Variants in GPD1 observed in about 807,000 individuals in gnomAD.
GPD1 encodes glycerol-3-phosphate dehydrogenase 1.
Under a neutral mutation model 34.4 loss-of-function variants are expected in GPD1, and 19 were observed. The ratio of observed to expected loss-of-function variants is 0.55; its 90% CI spans 0.39 to 0.81. GPD1 has a LOEUF of 0.81. Among genes scored for constraint, GPD1 ranks in the 30% least tolerant of loss-of-function variants. The pLI, the probability that GPD1 is intolerant of heterozygous loss-of-function variation, is 0.00. For missense variants in GPD1, 429 were observed against 447.0 expected (o/e 0.96, Z 0.36); for synonymous variants, 172 against 174.1 (o/e 0.99, Z 0.09).
chr12:50,109,572 G>A lies in GPD1; in HGVS notation c.*53G>A, dbSNP rs186273460. ...TTTTTTACCCCAGTGGAGACCAGCA[G>A]AAGCCTGGGGTACCTAGTCACCAGG... is the stretch of plus-strand genomic sequence containing the variant. On this transcript the variant is annotated 3_prime_UTR_variant, in exon 8 of 8. Coordinates refer to ENST00000301149, the MANE Select transcript of GPD1 (RefSeq NM_005276.4). The A allele has an allele frequency of 2.3e-3, 1,991 of 859,780 alleles. 19 individuals are homozygous for A. Among genetic ancestry groups the A allele is most frequent in the Non-Finnish European group, 4.5e-4 (224 of 493,530 alleles). 53.3% of individuals were successfully genotyped at this position (859,780 alleles called of 1,614,324 possible). A position where few individuals can be genotyped will look rare whatever the true frequency, so the allele number is the denominator to read the frequency against.
Position 50,110,276 on chromosome 12 carries a change from G to C in GPD1, c.*757G>C, listed in dbSNP as rs1238968481. The C allele has an allele frequency of 6.5e-6, 1 of 152,674 alleles. No homozygotes were observed. The highest frequency in any genetic ancestry group is 1.5e-5 in the Non-Finnish European group (1 of 68,134). The allele number at this position is 152,674 out of a possible 1,614,324, so 9.5% of individuals were successfully genotyped here. On this transcript the variant is annotated 3_prime_UTR_variant, in exon 8 of 8. Transcript: ENST00000301149. ...TTGCCAGCTCCTCCCCACTCTGTGC[G>C]ACCTTTCCAAGCCTTCCCTCACCCT...
chr12:50,106,539 A>C, intron 4 of GPD1, 113 bp downstream of exon 4: 1 of 1,075,112 alleles, frequency 9.3e-7, no homozygotes, highest in Non-Finnish European at 1.4e-6. Flanking sequence ...AGGAAAATAC[A>C]AGCATCAGAG....
rs893784034 is a variant in GPD1, at chr12:50,111,296, G to A, written c.*1777G>A. 1.3e-5 allele frequency: 2 copies of A among 152,250 alleles called. No individual in the cohort carries two copies. Among genetic ancestry groups the A allele is most frequent in the Non-Finnish European group, 2.9e-5 (2 of 68,066 alleles). 9.4% of individuals were successfully genotyped at this position (152,250 alleles called of 1,614,324 possible). On this transcript the variant is annotated 3_prime_UTR_variant, in exon 8 of 8. Transcript: ENST00000301149. The surrounding 1 kb of genome is among the most constrained non-coding windows in gnomAD (Gnocchi z 4.1). ...CAGGCCTATTTGTCTACCCAATAAA[G>A]CGTGTTTTTTCCAGAAACAAGAAGA...
Position 50,107,055 on chromosome 12 carries a change from T to C in GPD1, c.612+138T>C, listed in dbSNP as rs549015295. ...CCTTTCCTACCATGTCCCATGCATA[T>C]AGGAGGAGCTGCAGAAGCAAGGCCA... On this transcript the variant is annotated intron_variant, in intron 5 of 7. Transcript: ENST00000301149. The C allele has an allele frequency of 1.7e-5, 12 of 711,022 alleles. 1 individual carries two copies. The highest frequency in any genetic ancestry group is 1.0e-4 in the South Asian group (7 of 66,984). 44.0% of individuals were successfully genotyped at this position (711,022 alleles called of 1,614,324 possible). A position where few individuals can be genotyped will look rare whatever the true frequency, so the allele number is the denominator to read the frequency against.
intron 5 of GPD1, chr12:50,107,341 G>A (rs538334621): frequency 1.7e-5 from 12 of 688,736 alleles, no homozygotes; most frequent in Non-Finnish European, 3.2e-5. Context: ...CTAGAGAGAA[G>A]AGTGGTTTTC....
At chr12:50,105,929 A>G in intron 3 of GPD1, 2 of 687,940 alleles carry the variant, frequency 2.9e-6, no homozygotes, top group Non-Finnish European at 5.3e-6. Context: ...TTTCGGAGGT[A>G]TAAAGGAATG....
At chr12:50,104,254 C>T in intron 1 of GPD1, 163 bp downstream of exon 1, 2 of 742,136 alleles carry the variant, frequency 2.7e-6, no homozygotes, top group African/African-American at 1.7e-5. Flanking sequence ...CCTCTCCTGA[C>T]CCCCGCCCTC....
At position 50,109,633 on chromosome 12, in the gene GPD1, C is replaced by T; in HGVS notation, c.*114C>T. ...CTCCCAGGGAGCAGAGTCTTCTCAT[C>T]TTTTCACTGGAGGACAGGAGGCTAT... On this transcript the variant is annotated 3_prime_UTR_variant, in exon 8 of 8. Coordinates refer to ENST00000301149, the MANE Select transcript of GPD1 (RefSeq NM_005276.4). 1 of 658,798 alleles carries T rather than the reference C, an allele frequency of 1.5e-6. No individual in the cohort carries two copies. Among genetic ancestry groups the T allele is most frequent in the Admixed American group, 2.3e-5 (1 of 43,918 alleles). The allele number at this position is 658,798 out of a possible 1,614,324, so 40.8% of individuals were successfully genotyped here. A position where few individuals can be genotyped will look rare whatever the true frequency, so the allele number is the denominator to read the frequency against.
At position 50,109,747 on chromosome 12, in the gene GPD1, T is replaced by C; in HGVS notation, c.*228T>C. 1 of 525,794 alleles carries C rather than the reference T, an allele frequency of 1.9e-6. No homozygotes were observed. The allele number at this position is 525,794 out of a possible 1,614,324, so 32.6% of individuals were successfully genotyped here. A position where few individuals can be genotyped will look rare whatever the true frequency, so the allele number is the denominator to read the frequency against. On this transcript the variant is annotated 3_prime_UTR_variant, in exon 8 of 8. Transcript: ENST00000301149. ...ATTTGCCAGAAATGCAGTTGCCCTG[T>C]CCCTCTCCAGATGTGGGGCTTTCTC...
In GPD1 at chr12:50,107,643, T is replaced by C. The variant is rs755956209; in HGVS notation, c.689T>C (p.Leu230Pro). The C allele has an allele frequency of 6.2e-7, 1 of 1,614,148 alleles. No individual in the cohort carries two copies. Among genetic ancestry groups the C allele is most frequent in the Non-Finnish European group, 8.5e-7 (1 of 1,180,008 alleles). The change falls in exon 6 of 8, where the codon CTG becomes CCG. Residue 230 changes from leucine to proline, a missense_variant. Coordinates refer to ENST00000301149, the MANE Select transcript of GPD1 (RefSeq NM_005276.4). ...AACACCAAGGCGGCAGTGATCCGGC[T>C]GGGACTCATGGAGATGATAGCCTTC... ...GDNTKAAVIR[L>P]GLMEMIAFAK...
At chr12:50,108,356 A>G (rs550237516) in intron 7 of GPD1, among the ~76,000 whole-genome samples, 2 of 152,202 alleles carry the variant, frequency 1.3e-5, no homozygotes, top group South Asian at 2.1e-4. Context: ...TTCACACTAC[A>G]TTACCTGGAT....
At position 50,104,826 on chromosome 12, in the gene GPD1, G is replaced by A. The variant is rs947749960; in HGVS notation, c.219+75G>A. The A allele has an allele frequency of 6.8e-6, 9 of 1,315,542 alleles. No individual in the cohort carries two copies. The African/African-American group carries it at 1.3e-4, about 19-fold the overall frequency. The allele number at this position is 1,315,542 out of a possible 1,614,324, so 81.5% of individuals were successfully genotyped here. On this transcript the variant is annotated intron_variant, in intron 2 of 7. Coordinates refer to ENST00000301149, the MANE Select transcript of GPD1 (RefSeq NM_005276.4). ...AGTTGGAGCCGACCTTACTCAACAG[G>A]TGCCTCCTGCTGAGAGGGCCGCTTC...
intron 5 of GPD1, 177 bp downstream of exon 5, chr12:50,107,094 C>G: frequency 7.1e-6 from 5 of 699,304 alleles, no homozygotes; most frequent in South Asian, 1.5e-5. Context: ...CCATTCAGGC[C>G]GGCTGATTAT....
Position 50,104,763 on chromosome 12 carries a change from C to A in GPD1, c.219+12C>A. The A allele has an allele frequency of 6.2e-7, 1 of 1,610,032 alleles. No individual in the cohort carries two copies. The highest frequency in any genetic ancestry group is 2.2e-5 in the East Asian group (1 of 44,870). ...TGCCCCCAAATGTGGTGAGCCCCAA[C>A]ACCCTGCGAAGAACAGGGAGAGGAA... is the stretch of plus-strand genomic sequence containing the variant. On this transcript the variant is annotated intron_variant, in intron 2 of 7. Transcript: ENST00000301149.
At position 50,110,974 on chromosome 12, in the gene GPD1, A is replaced by C. The variant is rs1323048941; in HGVS notation, c.*1455A>C. ...CTTCCTGTGTGGCAGCACCTGGCAC[A>C]CTGGCTCTGGCCAGCATTATGCTAA... On this transcript the variant is annotated 3_prime_UTR_variant, in exon 8 of 8. Coordinates refer to ENST00000301149, the MANE Select transcript of GPD1 (RefSeq NM_005276.4). 1 of 152,730 alleles carries C rather than the reference A, an allele frequency of 6.5e-6. No individual in the cohort carries two copies. Among genetic ancestry groups the C allele is most frequent in the African/African-American group, 2.4e-5 (1 of 41,456 alleles). The allele number at this position is 152,730 out of a possible 1,614,324, so 9.5% of individuals were successfully genotyped here. A position where few individuals can be genotyped will look rare whatever the true frequency, so the allele number is the denominator to read the frequency against.
rs34926030 is a variant in GPD1 at position 50,109,134 on chromosome 12, C to CAAA, written c.954-267_954-265dup. On this transcript the variant is annotated intron_variant, in intron 7 of 7. Transcript: ENST00000301149. ...TAGGCGACAGAGCGAGAGTCTGTCT[C>CAAA]AAAAAAAAAAAAAAAAAAAAAAAAG... 6.7e-4 allele frequency among the ~76,000 whole-genome samples: 43 copies of CAAA among 64,084 alleles called. 1 individual carries two copies. The highest frequency in any genetic ancestry group is 1.4e-3 in the Admixed American group (8 of 5,668). 42.0% of individuals were successfully genotyped at this position (64,084 alleles called of 152,430 possible). A position where few individuals can be genotyped will look rare whatever the true frequency, so the allele number is the denominator to read the frequency against.
In GPD1 at chr12:50,104,090, T is replaced by G. The variant is rs1260178617; in HGVS notation, c.40T>G (p.Trp14Gly). 1 of 1,613,948 alleles carries G rather than the reference T, an allele frequency of 6.2e-7. No homozygotes were observed. The highest frequency in any genetic ancestry group is 1.1e-5 in the South Asian group (1 of 91,072). ...KKVCIVGSGNWGSAIAKIVGG... is the reference protein window; with the variant it reads ...KKVCIVGSGNGGSAIAKIVGG... Reference sequence around the variant, plus strand: ...AGTCTGCATTGTAGGCTCCGGGAACTGGTAAGCAGCTCTGTCAAGTGATAT... The same window carrying G: ...AGTCTGCATTGTAGGCTCCGGGAACGGGTAAGCAGCTCTGTCAAGTGATAT... Residue 14 changes from tryptophan (W) to glycine (G), a missense_variant and splice_region_variant, in exon 1 of 8, where the codon TGG becomes GGG. By Grantham distance (184) the Trp-to-Gly change is radical. Transcript: ENST00000301149.
intron 1 of GPD1, 128 bp from the exon 2 acceptor site, chr12:50,104,446 G>A (rs1489970017): frequency 3.9e-6 from 3 of 763,170 alleles, no homozygotes; most frequent in South Asian, 2.8e-5. Context: ...TGGGAGTGGA[G>A]GTGATAAGGA....
In GPD1 at chr12:50,104,595, C is replaced by A; in HGVS notation, c.63C>A (p.Ile21=). 6.2e-7 allele frequency: 1 copy of A among 1,613,560 alleles called. No homozygotes were observed. The highest frequency in any genetic ancestry group is 8.5e-7 in the Non-Finnish European group (1 of 1,179,512). Residue 21 remains isoleucine, a synonymous_variant, in exon 2 of 8, where the codon ATC becomes ATA. Transcript: ENST00000301149. ...CCAGGGGCTCAGCCATCGCCAAGAT[C>A]GTGGGTGGCAATGCAGCCCAGCTGG... ...SGNWGSAIAK[I]VGGNAAQLAQ...
Sources: gnomAD v4.1 joint callset for allele counts (sites outside exome capture counted in the v4.1 genomes callset) on GRCh38, gnomAD v4.1.1 for gene constraint, Gnocchi (gnomAD v3.1) non-coding constraint, MANE v1.5 for transcripts, NCBI Gene and HGNC (gene_info 2026-07-23, HGNC 2026-07-21) for gene names.